The following CLASP1 variants were observed in gnomAD, a reference collection of about 807,000 sequenced individuals.
CLASP1 encodes the protein cytoplasmic linker associated protein 1, also known as CLIP-associating protein 1.
CLASP1 carries 38 observed loss-of-function variants against 192.3 expected under a neutral mutation model. The observed-to-expected ratio is 0.20, with a 90% confidence interval of 0.15 to 0.26. The LOEUF (loss-of-function observed/expected upper bound fraction) is 0.26, where lower values mean the gene tolerates loss of function less well. Among genes scored for constraint, CLASP1 ranks in the 10% least tolerant of loss-of-function variants. The pLI is 1.00. For missense variants in CLASP1, 1,433 were observed against 1,932.5 expected (o/e 0.74, Z 4.85); for synonymous variants, 691 against 712.8 (o/e 0.97, Z 0.49).
intron 8 of CLASP1, among the ~76,000 whole-genome samples, chr2:121,474,142 G>C (rs2091247056): frequency 6.6e-6 from 1 of 151,548 alleles, no homozygotes; most frequent in Admixed American, 6.6e-5. Context: ...AAAATATTTA[G>C]CTTTCATTCT....
At chr2:121,409,594 T>G (rs1436739551) in intron 24 of CLASP1, among the ~76,000 whole-genome samples, 2 of 152,222 alleles carry the variant, frequency 1.3e-5, no homozygotes, top group Non-Finnish European at 1.5e-5. Context: ...CAGTCCCTTA[T>G]GCAGTTCTTT....
At chr2:121,481,759 G>A (rs1217238988) in intron 8 of CLASP1, among the ~76,000 whole-genome samples, 4 of 152,112 alleles carry the variant, frequency 2.6e-5, no homozygotes, top group Non-Finnish European at 4.4e-5. Context: ...AGAGGATACC[G>A]CCTCTGAATA....
intron 39 of CLASP1, 40 bp from the exon 41 acceptor site, chr2:121,340,987 G>A: frequency 1.4e-6 from 2 of 1,390,594 alleles, no homozygotes; most frequent in Middle Eastern, 1.8e-4. Flanking sequence ...AGGAAGAAAA[G>A]CAATCAGAAA....
intron 28 of CLASP1, among the ~76,000 whole-genome samples, 155 bp from the exon 30 acceptor site, chr2:121,398,555 C>A (rs1249255893): frequency 6.6e-6 from 1 of 152,164 alleles, no homozygotes; most frequent in Non-Finnish European, 1.5e-5. Context: ...TAGAGTAATA[C>A]ATGTTATACA....
intron 2 of CLASP1, among the ~76,000 whole-genome samples, chr2:121,587,809 C>T (rs1170335111): frequency 8.0e-5 from 11 of 137,112 alleles, no homozygotes; most frequent in East Asian, 4.4e-4. Context: ...CCAGCCTGGA[C>T]AACAGAATGA....
At chr2:121,407,089 C>T (rs1471939890) in intron 25 of CLASP1, among the ~76,000 whole-genome samples, 2 of 151,648 alleles carry the variant, frequency 1.3e-5, no homozygotes, top group African/African-American at 2.4e-5. Context: ...GGTGGTGTAC[C>T]CCCGTAGTCC....
rs911210358 is a variant in CLASP1, at chr2:121,546,609, G to A, written c.196-16284C>T. On this transcript the variant is annotated intron_variant, in intron 2 of 39. Transcript: ENST00000263710. ...TTCCACAGACCTTTTTACAACCCTCGGGTCAGGAGACTGCCTCATGAACCC... is the reference window on the plus strand; with the variant it reads ...TTCCACAGACCTTTTTACAACCCTCAGGTCAGGAGACTGCCTCATGAACCC... Among the ~76,000 whole-genome samples the A allele has an allele frequency of 2.6e-5, 4 of 151,858 alleles. No individual in the cohort carries two copies. The East Asian group carries it at 7.7e-4, about 29-fold the overall frequency.
chr2:121,472,341 C>T (rs2090896381), intron 8 of CLASP1, among the ~76,000 whole-genome samples: 1 of 152,082 alleles, frequency 6.6e-6, no homozygotes, highest in African/African-American at 2.4e-5. Context: ...AGCTAGAAAA[C>T]CTGACAGTAT....
At chr2:121,530,217 C>T (rs1345168372) in intron 3 of CLASP1, 30 bp downstream of exon 3, 3 of 1,539,270 alleles carry the variant, frequency 1.9e-6, no homozygotes, top group African/African-American at 2.7e-5. Flanking sequence ...CTGAAGGGGC[C>T]GGGTCCGCTC....
chr2:121,421,690 G>C (rs1052389960), intron 22 of CLASP1, among the ~76,000 whole-genome samples: 1 of 152,074 alleles, frequency 6.6e-6, no homozygotes, highest in Non-Finnish European at 1.5e-5. Flanking sequence ...TTACAGGCAC[G>C]CACCACCACA....
At chr2:121,418,708 C>T (rs767586870) in exon 23 of CLASP1, 15 of 1,613,412 alleles carry the variant, frequency 9.3e-6, no homozygotes, top group East Asian at 2.2e-5. Context: ...CATGCTGGGT[C>T]GAGGGATACG....
At chr2:121,647,094 G>T (rs978321632) in intron 1 of CLASP1, among the ~76,000 whole-genome samples, 1 of 150,702 alleles carries the variant, frequency 6.6e-6, no homozygotes, top group Non-Finnish European at 1.5e-5. Flanking sequence ...TGGGCCGAGC[G>T]CGATTGCTCA....
intron 32 of CLASP1, among the ~76,000 whole-genome samples, chr2:121,384,112 A>G (rs1391965254): frequency 7.3e-6 from 1 of 136,536 alleles, no homozygotes; most frequent in African/African-American, 2.7e-5. Flanking sequence ...ATATATGTAT[A>G]TATATATACA....
intron 19 of CLASP1, among the ~76,000 whole-genome samples, chr2:121,431,746 G>GTT (rs531841516): frequency 6.4e-4 from 86 of 135,028 alleles, no homozygotes; most frequent in African/African-American, 1.7e-3. Flanking sequence ...CATTCCCTTG[G>GTT]TTTTTTTTTT....
intron 2 of CLASP1, among the ~76,000 whole-genome samples, chr2:121,571,084 C>T (rs1367354466): frequency 6.6e-6 from 1 of 151,716 alleles, no homozygotes; most frequent in Admixed American, 6.6e-5. Flanking sequence ...TGACAAGGCA[C>T]ATTAAGCAAA....
intron 8 of CLASP1, among the ~76,000 whole-genome samples, chr2:121,481,204 T>C (rs530585353): frequency 6.6e-6 from 1 of 152,346 alleles, no homozygotes; most frequent in South Asian, 2.1e-4. Flanking sequence ...ATTTGTGCTA[T>C]GCTTTGCGTG....
intron 1 of CLASP1, among the ~76,000 whole-genome samples, chr2:121,629,788 T>C (rs1359786309): frequency 6.6e-6 from 1 of 151,628 alleles, no homozygotes; most frequent in Non-Finnish European, 1.5e-5. Flanking sequence ...CGAAACTCCA[T>C]CTCAAAAAAA....
chr2:121,391,603 A>G (rs2074357822), intron 30 of CLASP1, among the ~76,000 whole-genome samples: 1 of 152,238 alleles, frequency 6.6e-6, no homozygotes, highest in Non-Finnish European at 1.5e-5. Flanking sequence ...AGATGTCCAA[A>G]TAAGACTTGA....
intron 32 of CLASP1, among the ~76,000 whole-genome samples, chr2:121,384,283 C>T (rs750489124): frequency 3.3e-5 from 5 of 151,850 alleles, no homozygotes; most frequent in Non-Finnish European, 7.4e-5. Flanking sequence ...CCATGTCCTG[C>T]GCTCAAGCAA....
Sources: gnomAD v4.1 joint callset for allele counts (sites outside exome capture counted in the v4.1 genomes callset) on GRCh38, gnomAD v4.1.1 for gene constraint, MANE v1.5 for transcripts, NCBI Gene and HGNC (gene_info 2026-07-23, HGNC 2026-07-21) for gene names.